The following ARHGEF3 variants were observed in gnomAD, a reference collection of about 807,000 sequenced individuals.
The protein encoded by ARHGEF3 is Rho guanine nucleotide exchange factor 3, also known as 59.8 kDA protein.
In ARHGEF3, 28 loss-of-function variants were observed where a neutral mutation model predicts 63.2. That is an observed-to-expected ratio of 0.44 (90% CI 0.33 to 0.61). The LOEUF (loss-of-function observed/expected upper bound fraction) is 0.61, where lower values mean the gene tolerates loss of function less well. Among genes scored for constraint, ARHGEF3 ranks in the 20% least tolerant of loss-of-function variants. The pLI, the probability that ARHGEF3 is intolerant of heterozygous loss-of-function variation, is 0.03. For missense variants in ARHGEF3, 533 were observed against 659.3 expected (o/e 0.81, Z 2.10); for synonymous variants, 266 against 254.2 (o/e 1.05, Z -0.44).
intron 2 of ARHGEF3, among the ~76,000 whole-genome samples, chr3:56,770,366 C>T (rs2035937953): frequency 6.6e-6 from 1 of 151,860 alleles, no homozygotes; most frequent in African/African-American, 2.4e-5. Flanking sequence ...GCCACGATCA[C>T]GCCACTGCAC....
chr3:56,968,734 GA>G (rs917924108), intron 2 of ARHGEF3, among the ~76,000 whole-genome samples: 5 of 151,772 alleles, frequency 3.3e-5, no homozygotes, highest in African/African-American at 1.2e-4. Flanking sequence ...TAATCAACAG[GA>G]AAAAAGTGTT....
chr3:56,969,724 G>C (rs1700822810), intron 2 of ARHGEF3, among the ~76,000 whole-genome samples: 1 of 144,428 alleles, frequency 6.9e-6, no homozygotes, highest in Middle Eastern at 3.3e-3. Context: ...CTGCACTCCA[G>C]CCTCGGTGAC....
In ARHGEF3 at chr3:56,988,821, C is replaced by T. The variant is rs533433337; in HGVS notation, c.63-29932G>A. Among the ~76,000 whole-genome samples the T allele has an allele frequency of 2.3e-3, 344 of 152,292 alleles. 3 individuals are homozygous for T. The highest frequency in any genetic ancestry group is 6.8e-3 in the Middle Eastern group (2 of 294). ...GCAACAGTATGTGCCCATCTGGCCC[C>T]GTTTCTGTCTGAATCTTGTGCTCAG... is the stretch of plus-strand genomic sequence containing the variant. On this transcript the variant is annotated intron_variant, in intron 2 of 12. Transcript: ENST00000338458.
intron 2 of ARHGEF3, among the ~76,000 whole-genome samples, chr3:56,977,555 G>A (rs1253436040): frequency 6.6e-6 from 1 of 152,152 alleles, no homozygotes; most frequent in African/African-American, 2.4e-5. Context: ...ATAATAATGG[G>A]AACCGATGGG....
chr3:57,010,159 T>TA (rs1702625633), intron 2 of ARHGEF3, among the ~76,000 whole-genome samples: 1 of 152,056 alleles, frequency 6.6e-6, no homozygotes, highest in South Asian at 2.1e-4. Context: ...CTTCCATTAT[T>TA]AAAAACCACA....
intron 1 of ARHGEF3, among the ~76,000 whole-genome samples, chr3:57,070,852 G>A (rs753920694): frequency 9.9e-5 from 15 of 151,576 alleles, no homozygotes; most frequent in Non-Finnish European, 2.1e-4. Context: ...CACATCTGTA[G>A]TCCCAGCTAC....
intron 3 of ARHGEF3, among the ~76,000 whole-genome samples, chr3:56,890,600 C>T (rs76951516): frequency 0.093 from 14,135 of 152,206 alleles, 824 homozygotes; most frequent in Non-Finnish European, 0.13. Flanking sequence ...TGGTACGCTG[C>T]CTGACTCTTT....
chr3:57,012,788 TGAG>T (rs1702757587), intron 2 of ARHGEF3, among the ~76,000 whole-genome samples: 1 of 152,174 alleles, frequency 6.6e-6, no homozygotes, highest in Admixed American at 6.5e-5. Flanking sequence ...TGGCCACACT[TGAG>T]GAGCCCTTCA....
In ARHGEF3 at chr3:57,045,475, A is replaced by ACC. The variant is rs748154998; in HGVS notation, c.-27-10300_-27-10299insGG. Among the ~76,000 whole-genome samples, 149 of 152,296 alleles carry ACC rather than the reference A, an allele frequency of 9.8e-4. No individual in the cohort carries two copies. In the Middle Eastern group the frequency reaches 0.01, roughly 10 times the overall value. On this transcript the variant is annotated intron_variant, in intron 1 of 12. Transcript: ENST00000338458. ...CCCATTCTGTGCTGCCTACTGTATGATAGGCATGGACCCAGCAATGGGTTG... is the reference window on the plus strand; with the variant it reads ...CCCATTCTGTGCTGCCTACTGTATGACCTAGGCATGGACCCAGCAATGGGTTG...
At chr3:56,809,785 T>G (rs1281877320) in intron 4 of ARHGEF3, among the ~76,000 whole-genome samples, 1 of 151,994 alleles carries the variant, frequency 6.6e-6, no homozygotes, top group Non-Finnish European at 1.5e-5. Flanking sequence ...CAGGCTGGAG[T>G]GCAGTGGTGC....
chr3:57,007,045 A>G lies in ARHGEF3; in HGVS notation c.62+28043T>C, dbSNP rs142267671. On this transcript the variant is annotated intron_variant, in intron 2 of 12. Transcript: ENST00000338458. The stretch of plus-strand genomic sequence containing the variant: ...GGGGCGCTCCTGGGGCGATGGTCAC[A>G]CTGTGCTCCTCACTCTGGGTGCTGA... 301 of 765,094 alleles carry G rather than the reference A, an allele frequency of 3.9e-4. 1 individual carries two copies. In the African/African-American group the frequency reaches 5.3e-3, roughly 13 times the overall value. 47.4% of individuals were successfully genotyped at this position (765,094 alleles called of 1,614,324 possible). A position where few individuals can be genotyped will look rare whatever the true frequency, so the allele number is the denominator to read the frequency against.
At chr3:56,907,273 G>A (rs112450857) in intron 3 of ARHGEF3, among the ~76,000 whole-genome samples, 109 of 152,224 alleles carry the variant, frequency 7.2e-4, no homozygotes, top group African/African-American at 2.5e-3. Context: ...GAGCCACGGC[G>A]CCTGGCCAAC....
intron 1 of ARHGEF3, among the ~76,000 whole-genome samples, chr3:56,778,692 C>T (rs1376157369): frequency 6.6e-6 from 1 of 152,060 alleles, no homozygotes. Context: ...CACCACCATG[C>T]CTGGCTAAAT....
At chr3:56,947,137 T>C (rs1218985816) in intron 3 of ARHGEF3, among the ~76,000 whole-genome samples, 2 of 152,018 alleles carry the variant, frequency 1.3e-5, no homozygotes, top group Admixed American at 6.6e-5. Flanking sequence ...GCACTAAATA[T>C]GGAAAGGAAC....
intron 1 of ARHGEF3, among the ~76,000 whole-genome samples, chr3:56,785,054 C>T (rs555349971): frequency 2.6e-5 from 4 of 152,246 alleles, no homozygotes; most frequent in African/African-American, 7.2e-5. Context: ...TGCCAGCCTG[C>T]GCCCCTGCCC....
chr3:56,942,665 G>A (rs956955002), intron 3 of ARHGEF3, among the ~76,000 whole-genome samples: 2 of 152,218 alleles, frequency 1.3e-5, no homozygotes, highest in Admixed American at 1.3e-4. Context: ...ATTAAGCTTA[G>A]TGAGGAAGGC....
intron 4 of ARHGEF3, among the ~76,000 whole-genome samples, chr3:56,751,821 A>G (rs2034770692): frequency 6.6e-6 from 1 of 152,198 alleles, no homozygotes; most frequent in Non-Finnish European, 1.5e-5. Context: ...AGAAACAGTG[A>G]TTGGTATCCT....
At chr3:56,926,108 C>T (rs1356623358) in intron 3 of ARHGEF3, among the ~76,000 whole-genome samples, 1 of 152,224 alleles carries the variant, frequency 6.6e-6, no homozygotes, top group Non-Finnish European at 1.5e-5. Context: ...CACTAGGCTG[C>T]AGAGGAAGAA....
intron 1 of ARHGEF3, chr3:56,774,962 T>C (rs776117534): frequency 9.2e-6 from 13 of 1,412,288 alleles, no homozygotes; most frequent in Non-Finnish European, 1.2e-5. Context: ...AGAATGATGA[T>C]AGACAAAACA....
Sources: allele counts gnomAD v4.1 joint callset (sites outside exome capture counted in the v4.1 genomes callset), GRCh38; gene constraint gnomAD v4.1.1; transcripts MANE v1.5; gene names NCBI Gene and HGNC (gene_info 2026-07-23, HGNC 2026-07-21).